Variants in MYO18B observed in about 807,000 individuals in gnomAD.
MYO18B encodes unconventional myosin-XVIIIb.
A neutral mutation model predicts 273.0 loss-of-function variants in MYO18B; 204 were observed. The ratio of observed to expected loss-of-function variants is 0.75; its 90% CI spans 0.67 to 0.84. The LOEUF (loss-of-function observed/expected upper bound fraction) is 0.84. Ranked by LOEUF, MYO18B falls within the 40% of genes least tolerant of loss-of-function variation. MYO18B has a pLI of 0.00. For synonymous variants in MYO18B, 1,330 were observed against 1,305.7 expected, an observed-to-expected ratio of 1.02 and a Z score of -0.40; for missense variants, 3,212 against 3,287.6, an observed-to-expected ratio of 0.98 and a Z score of 0.56.
At chr22:25,929,291 T>A (rs1210748265) in intron 34 of MYO18B, among the ~76,000 whole-genome samples, 1 of 152,204 alleles carries the variant, frequency 6.6e-6, no homozygotes, top group African/African-American at 2.4e-5. Context: ...TAAGACCTCT[T>A]GGAACAGGTA....
intron 21 of MYO18B, among the ~76,000 whole-genome samples, chr22:25,857,293 C>G (rs1035628567): frequency 2.6e-5 from 4 of 152,198 alleles, no homozygotes; most frequent in Non-Finnish European, 5.9e-5. Flanking sequence ...TGTGAGGAAA[C>G]CCTTGGGCCT....
At chr22:25,794,895 C>CT (rs970249652) in intron 11 of MYO18B, among the ~76,000 whole-genome samples, 5 of 152,210 alleles carry the variant, frequency 3.3e-5, no homozygotes, top group African/African-American at 1.2e-4. Flanking sequence ...TTTGAGCCCC[C>CT]TCCCAGGCAA....
intron 23 of MYO18B, 57 bp from the exon 24 acceptor site, chr22:25,876,132 C>A (rs888796773): frequency 1.0e-5 from 16 of 1,560,920 alleles, no homozygotes; most frequent in Non-Finnish European, 1.3e-5. Flanking sequence ...CCTCTCCTTC[C>A]TTTATCCTCA....
At chr22:25,966,641 TACTCC>T (rs1434666483) in intron 39 of MYO18B, among the ~76,000 whole-genome samples, 1 of 152,154 alleles carries the variant, frequency 6.6e-6, no homozygotes, top group Non-Finnish European at 1.5e-5. Flanking sequence ...TTTTAATCCC[TACTCC>T]TAATGGCCTC....
intron 11 of MYO18B, among the ~76,000 whole-genome samples, chr22:25,792,497 CTTTTTTT>C (rs58679561): frequency 4.6e-5 from 5 of 107,938 alleles, no homozygotes; most frequent in East Asian, 3.1e-4. Flanking sequence ...TTTTTCTTTT[CTTTTTTT>C]TTTTTTTTTG....
chr22:25,879,950 A>T (rs2091294227), intron 25 of MYO18B, among the ~76,000 whole-genome samples: 1 of 152,134 alleles, frequency 6.6e-6, no homozygotes, highest in South Asian at 2.1e-4. Flanking sequence ...CTAGAACAGC[A>T]AGGGGGAAAT....
downstream of MYO18B, among the ~76,000 whole-genome samples, chr22:26,031,412 C>T (rs1019939573): frequency 2.0e-5 from 3 of 152,280 alleles, no homozygotes; most frequent in Admixed American, 6.5e-5. Flanking sequence ...GCTGTGAGGG[C>T]CTCTCTCCGT....
At chr22:25,953,722 T>C (rs570718542) in intron 38 of MYO18B, 4 of 152,318 alleles carry the variant, frequency 2.6e-5, no homozygotes, top group African/African-American at 9.6e-5. Context: ...TTAAAACTTG[T>C]GTCTAGCGTA....
intron 26 of MYO18B, 28 bp from the exon 27 acceptor site, chr22:25,891,265 TGTCCAGCTCTA>T (rs1244860756): frequency 7.0e-7 from 1 of 1,418,610 alleles, no homozygotes; most frequent in South Asian, 1.2e-5. Context: ...CCATGTCTTC[TGTCCAGCTCTA>T]GTTTAGACCT....
At chr22:25,755,466 A>C (rs144185248) in intron 1 of MYO18B, among the ~76,000 whole-genome samples, 1 of 152,152 alleles carries the variant, frequency 6.6e-6, no homozygotes, top group African/African-American at 2.4e-5. Flanking sequence ...TCGGCCTCCC[A>C]AAGTGTTGGA....
chr22:25,845,446 G>A (rs951888430), intron 18 of MYO18B, among the ~76,000 whole-genome samples: 15 of 152,194 alleles, frequency 9.9e-5, no homozygotes, highest in Non-Finnish European at 1.8e-4. Context: ...GAACCCGGGA[G>A]GCGGAGGTTG....
intron 1 of MYO18B, among the ~76,000 whole-genome samples, chr22:25,753,558 C>T (rs1259001633): frequency 6.6e-6 from 1 of 152,178 alleles, no homozygotes; most frequent in African/African-American, 2.4e-5. Flanking sequence ...GTTGTGTTTT[C>T]GCTCTTTGCA....
chr22:25,774,326 G>A (rs191936373), intron 7 of MYO18B, among the ~76,000 whole-genome samples: 121 of 152,286 alleles, frequency 7.9e-4, no homozygotes, highest in African/African-American at 2.8e-3. Context: ...GCCCTCTCCC[G>A]TCCTTGTGGT....
At chr22:25,995,863 C>T (rs1044931203) in intron 40 of MYO18B, among the ~76,000 whole-genome samples, 6 of 152,170 alleles carry the variant, frequency 3.9e-5, no homozygotes, top group African/African-American at 1.2e-4. Context: ...CCCTGCTGGG[C>T]GTCTGATGTT....
intron 39 of MYO18B, among the ~76,000 whole-genome samples, chr22:25,958,241 C>T (rs2146665125): frequency 6.6e-6 from 1 of 152,214 alleles, no homozygotes; most frequent in African/African-American, 2.4e-5. Flanking sequence ...TAAATGAGAT[C>T]ACATTCACAA....
intron 11 of MYO18B, among the ~76,000 whole-genome samples, chr22:25,792,497 C>CTTTTCT (rs1555893164): frequency 9.3e-6 from 1 of 107,956 alleles, no homozygotes; most frequent in Admixed American, 1.2e-4. Flanking sequence ...TTTTTCTTTT[C>CTTTTCT]TTTTTTTTTT....
intron 31 of MYO18B, among the ~76,000 whole-genome samples, chr22:25,907,545 G>A (rs1203325612): frequency 6.6e-6 from 1 of 152,184 alleles, no homozygotes; most frequent in East Asian, 1.9e-4. Flanking sequence ...TAAGACGGTT[G>A]TTTTCTACAG....
At chr22:26,002,163 GTAAATATT>G (rs1318662247) in intron 40 of MYO18B, among the ~76,000 whole-genome samples, 1 of 152,186 alleles carries the variant, frequency 6.6e-6, no homozygotes, top group Non-Finnish European at 1.5e-5. Context: ...GGGCTAGATA[GTAAATATT>G]TAGCCTTTTC....
At chr22:25,760,646 T>C (rs548712342) in intron 1 of MYO18B, among the ~76,000 whole-genome samples, 1 of 152,324 alleles carries the variant, frequency 6.6e-6, no homozygotes, top group African/African-American at 2.4e-5. Context: ...GAACTTCTTA[T>C]AAATAAAATT....
Sources: allele counts gnomAD v4.1 joint callset (sites outside exome capture counted in the v4.1 genomes callset), GRCh38; gene constraint gnomAD v4.1.1; transcripts MANE v1.5; gene names NCBI Gene and HGNC (gene_info 2026-07-23, HGNC 2026-07-21).